DCC: variants seen among roughly 807,000 people sequenced by gnomAD.
DCC encodes DCC netrin 1 receptor.
DCC carries 58 observed loss-of-function variants against 172.5 expected under a neutral mutation model. That is an observed-to-expected ratio of 0.34 (90% CI 0.27 to 0.42). DCC has a LOEUF of 0.42. Ranked by LOEUF, DCC falls within the 10% of genes least tolerant of loss-of-function variation. The pLI, the probability that DCC is intolerant of heterozygous loss-of-function variation, is 1.00. For synonymous variants in DCC, 709 were observed against 644.5 expected (o/e 1.10, Z -1.52); for missense variants, 1,740 against 1,791.0 (o/e 0.97, Z 0.51).
intron 2 of DCC, among the ~76,000 whole-genome samples, chr18:52,846,489 A>G (rs1335655096): frequency 2.6e-5 from 4 of 152,174 alleles, no homozygotes; most frequent in African/African-American, 9.6e-5. Context: ...CAGTGAGCTG[A>G]AATTGAGTCA....
At chr18:53,013,088 C>T (rs1361850469) in intron 5 of DCC, among the ~76,000 whole-genome samples, 1 of 151,920 alleles carries the variant, frequency 6.6e-6, no homozygotes, top group Non-Finnish European at 1.5e-5. Context: ...CTGGCAAGGA[C>T]TCAGAGAAAT....
chr18:52,569,973 AAAAT>A (rs1348148241), intron 1 of DCC, among the ~76,000 whole-genome samples: 2 of 152,178 alleles, frequency 1.3e-5, no homozygotes, highest in East Asian at 1.9e-4. Flanking sequence ...TCAAAGAAGA[AAAAT>A]AAAATGGAGA....
chr18:53,364,670 A>G (rs1021121113), intron 15 of DCC, among the ~76,000 whole-genome samples: 6 of 152,100 alleles, frequency 3.9e-5, no homozygotes, highest in Non-Finnish European at 5.9e-5. Flanking sequence ...ATTGACTCCT[A>G]CCTTCTCTTT....
chr18:53,038,483 A>C (rs1463515947), intron 5 of DCC, among the ~76,000 whole-genome samples: 1 of 151,930 alleles, frequency 6.6e-6, no homozygotes, highest in Admixed American at 6.6e-5. Context: ...TCAACACGCA[A>C]AGTTTAGGAG....
At chr18:53,388,846 G>A (rs1048474704) in intron 16 of DCC, among the ~76,000 whole-genome samples, 35 of 152,134 alleles carry the variant, frequency 2.3e-4, no homozygotes, top group African/African-American at 7.5e-4. Context: ...GTGCAGTGGT[G>A]CAGTCATGGC....
At chr18:53,265,199 C>T (rs866028808) in intron 12 of DCC, among the ~76,000 whole-genome samples, 1 of 152,170 alleles carries the variant, frequency 6.6e-6, no homozygotes, top group Non-Finnish European at 1.5e-5. Context: ...AGGTCCTTGG[C>T]CTCATCAGCA....
At chr18:53,077,423 G>A (rs1212004650) in intron 7 of DCC, among the ~76,000 whole-genome samples, 1 of 152,210 alleles carries the variant, frequency 6.6e-6, no homozygotes, top group South Asian at 2.1e-4. Flanking sequence ...GAGTTAAAGG[G>A]GAAGGTAGTT....
intron 2 of DCC, among the ~76,000 whole-genome samples, chr18:52,813,359 A>G (rs78590093): frequency 6.6e-6 from 1 of 151,124 alleles, no homozygotes; most frequent in African/African-American, 2.4e-5. Flanking sequence ...AAAGGGCAAA[A>G]AGATGGTAGT....
chr18:53,467,798 T>C (rs959843932), intron 24 of DCC, 96 bp from the exon 25 acceptor site: 15 of 775,708 alleles, frequency 1.9e-5, no homozygotes, highest in Admixed American at 3.4e-5. Context: ...AGAAAGCATC[T>C]GTAAGACTGA....
At chr18:52,790,077 C>T (rs1279007039) in intron 2 of DCC, among the ~76,000 whole-genome samples, 1 of 152,102 alleles carries the variant, frequency 6.6e-6, no homozygotes, top group African/African-American at 2.4e-5. Flanking sequence ...GATTTTCTGG[C>T]CCTCACCCAG....
intron 1 of DCC, among the ~76,000 whole-genome samples, chr18:52,635,036 C>G (rs1353038374): frequency 6.6e-6 from 1 of 152,126 alleles, no homozygotes. Flanking sequence ...TTTCTCTACC[C>G]TACTGGAGAT....
At chr18:52,855,862 T>C (rs1027843976) in intron 2 of DCC, among the ~76,000 whole-genome samples, 1 of 149,200 alleles carries the variant, frequency 6.7e-6, no homozygotes, top group Admixed American at 6.9e-5. Flanking sequence ...GCTTCCTGGG[T>C]TCATGCAGTT....
chr18:52,695,987 A>G (rs1426183959), intron 1 of DCC, among the ~76,000 whole-genome samples: 1 of 152,104 alleles, frequency 6.6e-6, no homozygotes, highest in African/African-American at 2.4e-5. Context: ...TAAACCCCAT[A>G]CTCAAAGTTT....
At chr18:52,870,265 C>T (rs79959500) in intron 2 of DCC, among the ~76,000 whole-genome samples, 14,337 of 151,796 alleles carry the variant, frequency 0.094, 888 homozygotes, top group Non-Finnish European at 0.14. Flanking sequence ...TAGCAGGTCC[C>T]GTGGGGGTGG....
chr18:53,252,993 T>C (rs550814151), intron 12 of DCC, among the ~76,000 whole-genome samples: 23 of 152,152 alleles, frequency 1.5e-4, no homozygotes, highest in South Asian at 4.1e-4. Flanking sequence ...TTAGCACTTA[T>C]ATTTCCTGAC....
Position 53,204,771 on chromosome 18 carries a change from A to G in DCC, c.1574-445A>G, listed in dbSNP as rs190143257. Among the ~76,000 whole-genome samples, 539 of 152,322 alleles carry G rather than the reference A, an allele frequency of 3.5e-3. 2 individuals are homozygous for G. The highest frequency in any genetic ancestry group is 0.013 in the African/African-American group (525 of 41,572). On this transcript the variant is annotated intron_variant, in intron 9 of 28. Transcript: ENST00000442544. ...AGAAAGACAATGTGGTAAATTATCC[A>G]TAGCTGTGCGACCTATTTTAATTAT...
At chr18:52,724,828 C>G (rs986302598) in intron 1 of DCC, among the ~76,000 whole-genome samples, 2 of 152,186 alleles carry the variant, frequency 1.3e-5, no homozygotes, top group Non-Finnish European at 1.5e-5. Context: ...CTGACCCATT[C>G]TACACAATTC....
chr18:52,664,179 G>T (rs1188587700), intron 1 of DCC, among the ~76,000 whole-genome samples: 1 of 152,146 alleles, frequency 6.6e-6, no homozygotes, highest in Non-Finnish European at 1.5e-5. Flanking sequence ...AAAAGAAAGA[G>T]AACTTAATCT....
At chr18:52,650,118 A>T (rs1476781201) in intron 1 of DCC, among the ~76,000 whole-genome samples, 1 of 151,548 alleles carries the variant, frequency 6.6e-6, no homozygotes, top group East Asian at 2.0e-4. Flanking sequence ...AGCTAGAATT[A>T]CAGGAATGTA....
Sources: allele counts gnomAD v4.1 joint callset (sites outside exome capture counted in the v4.1 genomes callset), GRCh38; gene constraint gnomAD v4.1.1; transcripts MANE v1.5; gene names NCBI Gene and HGNC (gene_info 2026-07-23, HGNC 2026-07-21).